The following CCDC85C variants were observed in gnomAD, a reference collection of about 807,000 sequenced individuals.
The protein encoded by CCDC85C is coiled-coil domain-containing protein 85C.
A neutral mutation model predicts 38.3 loss-of-function variants in CCDC85C; 18 were observed. That is an observed-to-expected ratio of 0.47 (90% confidence interval 0.33 to 0.70). The LOEUF is 0.70. CCDC85C is among the 30% of genes least tolerant of loss of function. The pLI, the probability that CCDC85C is intolerant of heterozygous loss-of-function variation, is 0.03. For synonymous variants in CCDC85C, 264 were observed against 293.8 expected, an observed-to-expected ratio of 0.90 and a Z score of 1.04; for missense variants, 566 against 621.2, an observed-to-expected ratio of 0.91 and a Z score of 0.94.
Position 99,516,071 on chromosome 14 carries a change from G to C in CCDC85C, c.1170+117C>G. The C allele has an allele frequency of 3.6e-6, 3 of 825,486 alleles. No individual in the cohort carries two copies. Among genetic ancestry groups the C allele is most frequent in the Non-Finnish European group, 5.9e-6 (3 of 506,714 alleles). The allele number at this position is 825,486 out of a possible 1,614,324, so 51.1% of individuals were successfully genotyped here. On this transcript the variant is annotated intron_variant, in intron 5 of 5. Coordinates refer to ENST00000380243, the MANE Select transcript of CCDC85C (RefSeq NM_001144995.2). This position sits in a 1 kb window ranked among gnomAD's most constrained non-coding sequence, Gnocchi z 5.5. Reference sequence around the variant, plus strand: ...CCCCCCAGCTATCCAAGGTCACCCAGCCTTCGCTGAGCATTCGAGAAATGG... The same window carrying C: ...CCCCCCAGCTATCCAAGGTCACCCACCCTTCGCTGAGCATTCGAGAAATGG...
intron 1 of CCDC85C, among the ~76,000 whole-genome samples, chr14:99,573,539 T>C (rs1361180784): frequency 6.6e-6 from 1 of 152,224 alleles, no homozygotes; most frequent in Non-Finnish European, 1.5e-5. Context: ...AGGTGCTGGC[T>C]ATCCAGAGCC....
In CCDC85C at chr14:99,503,714, A is replaced by G; in HGVS notation, c.*11532T>C. The G allele has an allele frequency of 1.5e-6, 2 of 1,352,746 alleles. No individual in the cohort carries two copies. Among genetic ancestry groups the G allele is most frequent in the Non-Finnish European group, 1.0e-6 (1 of 978,606 alleles). 83.8% of individuals were successfully genotyped at this position (1,352,746 alleles called of 1,614,324 possible). ...GCAAAACTTTAAATTCTTAGCCAAC[A>G]TTGTTTCTTTTCAGATCTAAATTGG... On this transcript the variant is annotated 3_prime_UTR_variant, in exon 6 of 6. Transcript: ENST00000380243.
Position 99,503,844 on chromosome 14 carries a change from C to T in CCDC85C, c.*11402G>A. ...TAAAATTGTGCTCTTACGAAGCTAT[C>T]AGTACAGAAAACATTACTGGCAATA... On this transcript the variant is annotated 3_prime_UTR_variant, in exon 6 of 6. Transcript: ENST00000380243. 5.2e-6 allele frequency: 3 copies of T among 582,070 alleles called. No homozygotes were observed. The allele number at this position is 582,070 out of a possible 1,614,324, so 36.1% of individuals were successfully genotyped here.
At chr14:99,555,109 G>C (rs76661570) in intron 1 of CCDC85C, among the ~76,000 whole-genome samples, 2,971 of 152,364 alleles carry the variant, frequency 0.019, 99 homozygotes, top group African/African-American at 0.068. Context: ...GTCCTGCAGA[G>C]GGTGGCCTTG....
intron 1 of CCDC85C, among the ~76,000 whole-genome samples, chr14:99,584,775 G>A (rs1309578517): frequency 2.0e-5 from 3 of 152,194 alleles, no homozygotes; most frequent in Non-Finnish European, 4.4e-5. Flanking sequence ...CCACAGAGCG[G>A]GGGAAAAATC....
rs1266607186 is a variant in CCDC85C at position 99,582,370 on chromosome 14, A to G, written c.793+20797T>C. The stretch of plus-strand genomic sequence containing the variant: ...GTGACAAGGTATTCTCCACCTGCGC[A>G]TGTAAAAAGAGTTGGGATCAAAAAT... On this transcript the variant is annotated intron_variant, in intron 1 of 5. Transcript: ENST00000380243. 2.0e-5 allele frequency among the ~76,000 whole-genome samples: 3 copies of G among 152,364 alleles called. No individual in the cohort carries two copies. The East Asian group carries it at 5.8e-4, about 29-fold the overall frequency.
rs1265058733 is a variant in CCDC85C, at chr14:99,535,762, C to T, written c.867+253G>A. On this transcript the variant is annotated intron_variant, in intron 2 of 5. Transcript: ENST00000380243. This position sits in a 1 kb window ranked among gnomAD's most constrained non-coding sequence, Gnocchi z 5.5. ...TTCTTCATCAACTGGGTGTTGTCCA[C>T]CCTCTCAGGCCCTGGGCCAGCCCTG... Among the ~76,000 whole-genome samples, 1 of 152,174 alleles carries T rather than the reference C, an allele frequency of 6.6e-6. No individual in the cohort carries two copies. The highest frequency in any genetic ancestry group is 1.5e-5 in the Non-Finnish European group (1 of 68,028).
chr14:99,573,492 C>T lies in CCDC85C; in HGVS notation c.793+29675G>A, dbSNP rs572408495. Among the ~76,000 whole-genome samples, 7 of 152,332 alleles carry T rather than the reference C, an allele frequency of 4.6e-5. No individual in the cohort carries two copies. The South Asian group carries it at 6.2e-4, about 14-fold the overall frequency. ...CTGAGGCCATGCCTTTGAGGTCCGG[C>T]GCTCCTCCCCCACCCTGGGCCTCAG... On this transcript the variant is annotated intron_variant, in intron 1 of 5. Transcript: ENST00000380243.
At chr14:99,524,427 T>C (rs1326666287) in intron 2 of CCDC85C, among the ~76,000 whole-genome samples, 1 of 151,780 alleles carries the variant, frequency 6.6e-6, no homozygotes, top group Non-Finnish European at 1.5e-5. Context: ...TGCCGTCCCC[T>C]CCCCTCCCCC....
chr14:99,591,118 G>A (rs574458591), intron 1 of CCDC85C, among the ~76,000 whole-genome samples: 1 of 152,350 alleles, frequency 6.6e-6, no homozygotes, highest in South Asian at 2.1e-4. Context: ...CTGGGAGGGA[G>A]GGGGTGCCTC....
chr14:99,572,625 C>A lies in CCDC85C; in HGVS notation c.793+30542G>T. The A allele has an allele frequency of 2.2e-6, 1 of 453,624 alleles. No homozygotes were observed. The highest frequency in any genetic ancestry group is 1.6e-5 in the South Asian group (1 of 64,346). The allele number at this position is 453,624 out of a possible 1,614,324, so 28.1% of individuals were successfully genotyped here. The stretch of plus-strand genomic sequence containing the variant: ...TCCTTTGCTGGAAACCTTCCAGGGA[C>A]GACAGCTGCTTATCATCCAAGCCCC... On this transcript the variant is annotated intron_variant, in intron 1 of 5. Coordinates refer to ENST00000380243, the MANE Select transcript of CCDC85C (RefSeq NM_001144995.2). The surrounding 1 kb of genome is among the most constrained non-coding windows in gnomAD (Gnocchi z 4.4).
Position 99,572,377 on chromosome 14 carries a change from T to C in CCDC85C, c.793+30790A>G, listed in dbSNP as rs1368287830. ...CTTCCTCACGGGACACTGCGGGCGC[T>C]GCGGGCTAGTGTCTCAGCCTGCAAT... is the stretch of plus-strand genomic sequence containing the variant. On this transcript the variant is annotated intron_variant, in intron 1 of 5. Coordinates refer to ENST00000380243, the MANE Select transcript of CCDC85C (RefSeq NM_001144995.2). This position sits in a 1 kb window ranked among gnomAD's most constrained non-coding sequence, Gnocchi z 4.4. Among the ~76,000 whole-genome samples the C allele has an allele frequency of 3.9e-5, 6 of 152,164 alleles. No individual in the cohort carries two copies. Among genetic ancestry groups the C allele is most frequent in the Admixed American group, 3.9e-4 (6 of 15,264 alleles).
At chr14:99,580,143 G>A (rs916162242) in intron 1 of CCDC85C, 8 of 455,564 alleles carry the variant, frequency 1.8e-5, no homozygotes, top group East Asian at 7.0e-5. Context: ...GACAGCCTGT[G>A]CAGGCCTGGC....
At position 99,520,232 on chromosome 14, in the gene CCDC85C, TGAGCCCG is replaced by T. The variant is rs1897283254; in HGVS notation, c.975+1894_975+1900del. Among the ~76,000 whole-genome samples the T allele has an allele frequency of 6.6e-6, 1 of 152,160 alleles. No homozygotes were observed. Among genetic ancestry groups the T allele is most frequent in the African/African-American group, 2.4e-5 (1 of 41,430 alleles). ...AAGGGCCTGTGTGCCAGGCAGTGTCTGAGCCCGGAGACGGCCCTCTCTGGATAACCCC... is the reference window on the plus strand; with the variant it reads ...AAGGGCCTGTGTGCCAGGCAGTGTCTGAGACGGCCCTCTCTGGATAACCCC... On this transcript the variant is annotated intron_variant, in intron 3 of 5. Transcript: ENST00000380243. This position sits in a 1 kb window ranked among gnomAD's most constrained non-coding sequence, Gnocchi z 4.1.
At chr14:99,517,400 G>A (rs773666283) in intron 3 of CCDC85C, among the ~76,000 whole-genome samples, 5 of 152,110 alleles carry the variant, frequency 3.3e-5, no homozygotes, top group Non-Finnish European at 4.4e-5. Context: ...AGATGAAATG[G>A]TCCCTGATAG....
At position 99,566,358 on chromosome 14, in the gene CCDC85C, G is replaced by A. The variant is rs918134258; in HGVS notation, c.794-30270C>T. ...TACAGGTGGGGAAACCGAAGCTCTGGACAGTGCTGTAAATTACGTACTCAC... is the reference window on the plus strand; with the variant it reads ...TACAGGTGGGGAAACCGAAGCTCTGAACAGTGCTGTAAATTACGTACTCAC... On this transcript the variant is annotated intron_variant, in intron 1 of 5. Coordinates refer to ENST00000380243, the MANE Select transcript of CCDC85C (RefSeq NM_001144995.2). 9.9e-5 allele frequency among the ~76,000 whole-genome samples: 15 copies of A among 152,210 alleles called. 1 individual carries two copies. The highest frequency in any genetic ancestry group is 1.8e-4 in the Non-Finnish European group (12 of 68,044).
intron 1 of CCDC85C, among the ~76,000 whole-genome samples, chr14:99,580,603 G>A (rs1014369863): frequency 2.0e-5 from 3 of 152,162 alleles, no homozygotes; most frequent in African/African-American, 4.8e-5. Context: ...GGTGGCTCAC[G>A]TCTGTAATCC....
intron 1 of CCDC85C, among the ~76,000 whole-genome samples, chr14:99,567,484 C>T (rs1898239516): frequency 6.6e-6 from 1 of 152,180 alleles, no homozygotes; most frequent in South Asian, 2.1e-4. Context: ...GCAGGAGGGA[C>T]CCCTGGGCCA....
chr14:99,557,091 T>C (rs368272611), intron 1 of CCDC85C, among the ~76,000 whole-genome samples: 1 of 152,246 alleles, frequency 6.6e-6, no homozygotes, highest in Admixed American at 6.5e-5. Context: ...GGAGGTGTTA[T>C]GCTGAGCACT....
Sources: gnomAD v4.1 joint callset for allele counts (sites outside exome capture counted in the v4.1 genomes callset) on GRCh38, gnomAD v4.1.1 for gene constraint, Gnocchi (gnomAD v3.1) non-coding constraint, MANE v1.5 for transcripts, NCBI Gene and HGNC (gene_info 2026-07-23, HGNC 2026-07-21) for gene names.